Variants in ABCC4 observed in about 807,000 individuals in gnomAD.
The protein encoded by ABCC4 is ATP-binding cassette sub-family C member 4.
A neutral mutation model predicts 168.5 loss-of-function variants in ABCC4; 102 were observed. The observed-to-expected ratio is 0.61, with a 90% CI of 0.52 to 0.71. ABCC4 has a LOEUF of 0.71. Ranked by LOEUF, ABCC4 falls within the 30% of genes least tolerant of loss-of-function variation. The pLI, the probability that ABCC4 is intolerant of heterozygous loss-of-function variation, is 0.00. For synonymous variants in ABCC4, 617 were observed against 590.7 expected (o/e 1.04, Z -0.65); for missense variants, 1,402 against 1,605.8 (o/e 0.87, Z 2.17).
At chr13:95,096,245 A>G in intron 20 of ABCC4, 2 of 589,374 alleles carry the variant, frequency 3.4e-6, no homozygotes, top group Non-Finnish European at 5.9e-6. Flanking sequence ...GAAAGAATCA[A>G]TGACCCTAAA....
At chr13:95,199,894 T>C (rs1357009066) in intron 8 of ABCC4, among the ~76,000 whole-genome samples, 1 of 152,130 alleles carries the variant, frequency 6.6e-6, no homozygotes, top group Non-Finnish European at 1.5e-5. Flanking sequence ...TCCCAAACCC[T>C]TCCCCATCTC....
chr13:95,178,189 T>C, intron 11 of ABCC4, 98 bp from the exon 12 acceptor site: 3 of 1,046,796 alleles, frequency 2.9e-6, no homozygotes, highest in Middle Eastern at 2.1e-4. Flanking sequence ...ACTTTGCACA[T>C]TAGTTCTTCA....
chr13:95,157,247 C>T (rs181435081), intron 19 of ABCC4, among the ~76,000 whole-genome samples: 108 of 152,062 alleles, frequency 7.1e-4, no homozygotes, highest in African/African-American at 2.4e-3. Context: ...GACCCAGCTC[C>T]ACATTGCTCG....
intron 19 of ABCC4, among the ~76,000 whole-genome samples, chr13:95,129,376 T>C (rs2035884557): frequency 6.6e-6 from 1 of 152,242 alleles, no homozygotes; most frequent in African/African-American, 2.4e-5. Context: ...ATATTTCTGA[T>C]GTGTTCATTT....
intron 4 of ABCC4, among the ~76,000 whole-genome samples, chr13:95,224,736 CA>C (rs57323662): frequency 0.22 from 27,013 of 123,902 alleles, 3,104 homozygotes; most frequent in Non-Finnish European, 0.3. Flanking sequence ...GACTCTGTCT[CA>C]AAAAAAAAAA....
At chr13:95,077,272 G>A (rs1208431022) in intron 21 of ABCC4, among the ~76,000 whole-genome samples, 1 of 152,204 alleles carries the variant, frequency 6.6e-6, no homozygotes, top group Non-Finnish European at 1.5e-5. Flanking sequence ...TTTGCTACCT[G>A]TGTAGCTCCA....
At chr13:95,240,053 G>A (rs2039886897) in intron 3 of ABCC4, among the ~76,000 whole-genome samples, 1 of 152,164 alleles carries the variant, frequency 6.6e-6, no homozygotes, top group Admixed American at 6.5e-5. Context: ...GCCAAAGGGA[G>A]GAGGGGGGAA....
chr13:95,272,698 G>C (rs988917832), intron 1 of ABCC4, among the ~76,000 whole-genome samples: 3 of 151,962 alleles, frequency 2.0e-5, no homozygotes, highest in Non-Finnish European at 4.4e-5. Flanking sequence ...GACCAGCCTG[G>C]CCAACATGGT....
intron 20 of ABCC4, among the ~76,000 whole-genome samples, chr13:95,091,178 T>G (rs1337218292): frequency 1.3e-5 from 2 of 152,298 alleles, no homozygotes; most frequent in South Asian, 2.1e-4. Context: ...GAATAATCAG[T>G]GTTCCTGAGG....
chr13:95,146,776 T>G (rs901211793), intron 19 of ABCC4, among the ~76,000 whole-genome samples: 2 of 152,184 alleles, frequency 1.3e-5, no homozygotes, highest in Non-Finnish European at 2.9e-5. Flanking sequence ...TTTATAAGCT[T>G]AAGTTGTCAA....
At chr13:95,239,772 AT>A (rs1328073995) in intron 3 of ABCC4, among the ~76,000 whole-genome samples, 1 of 152,202 alleles carries the variant, frequency 6.6e-6, no homozygotes, top group Non-Finnish European at 1.5e-5. Context: ...TTAAAAAAAA[AT>A]AACAAAATTA....
At chr13:95,051,229 A>C (rs2032816379) in intron 27 of ABCC4, among the ~76,000 whole-genome samples, 1 of 152,232 alleles carries the variant, frequency 6.6e-6, no homozygotes, top group Admixed American at 6.5e-5. Context: ...CTCGGCAATG[A>C]CATGCCTTCA....
chr13:95,036,545 A>G (rs959939571), intron 29 of ABCC4, among the ~76,000 whole-genome samples: 4 of 152,148 alleles, frequency 2.6e-5, no homozygotes, highest in East Asian at 1.9e-4. Flanking sequence ...CTCAAAAAGC[A>G]TTATTATTAT....
At chr13:95,112,380 A>G (rs990220574) in intron 20 of ABCC4, among the ~76,000 whole-genome samples, 1 of 152,086 alleles carries the variant, frequency 6.6e-6, no homozygotes, top group Non-Finnish European at 1.5e-5. Context: ...TCACATGGAT[A>G]AATGCAACTA....
At chr13:95,145,411 G>C (rs1474344414) in intron 19 of ABCC4, among the ~76,000 whole-genome samples, 1 of 150,634 alleles carries the variant, frequency 6.6e-6, no homozygotes, top group Non-Finnish European at 1.5e-5. Context: ...GAGCCCAGGA[G>C]TTCAAAACCA....
At chr13:95,282,878 T>C (rs977562505) in intron 1 of ABCC4, among the ~76,000 whole-genome samples, 1 of 152,102 alleles carries the variant, frequency 6.6e-6, no homozygotes, top group East Asian at 1.9e-4. Context: ...AAAGAGAATA[T>C]ATCTCTTGGT....
At chr13:95,039,308 C>G (rs2032258469) in intron 29 of ABCC4, among the ~76,000 whole-genome samples, 1 of 152,186 alleles carries the variant, frequency 6.6e-6, no homozygotes, top group Non-Finnish European at 1.5e-5. Context: ...GATTTAGGAG[C>G]ATTTCAGATT....
intron 4 of ABCC4, among the ~76,000 whole-genome samples, chr13:95,217,708 G>A (rs1004893002): frequency 6.6e-6 from 1 of 151,330 alleles, no homozygotes; most frequent in Non-Finnish European, 1.5e-5. Context: ...CAGCCAGGGT[G>A]ACAGTGAGAC....
intron 4 of ABCC4, among the ~76,000 whole-genome samples, chr13:95,217,157 C>G (rs2039138816): frequency 6.6e-6 from 1 of 152,178 alleles, no homozygotes; most frequent in Admixed American, 6.5e-5. Flanking sequence ...GAAAACTGTA[C>G]TATCTAGAAC....
Sources: allele counts gnomAD v4.1 joint callset (sites outside exome capture counted in the v4.1 genomes callset), GRCh38; gene constraint gnomAD v4.1.1; transcripts MANE v1.5; gene names NCBI Gene and HGNC (gene_info 2026-07-23, HGNC 2026-07-21).